The following RBM20 variants were observed in gnomAD, a reference collection of about 807,000 sequenced individuals.
The protein encoded by RBM20 is RNA-binding protein 20.
RBM20 carries 51 observed loss-of-function variants against 110.1 expected under a neutral mutation model. That is an observed-to-expected ratio of 0.46 (90% CI 0.37 to 0.59). The LOEUF (loss-of-function observed/expected upper bound fraction) is 0.59, where lower values mean the gene tolerates loss of function less well. RBM20 is among the 20% of genes least tolerant of loss of function. The pLI, the probability that RBM20 is intolerant of heterozygous loss-of-function variation, is 0.00. For synonymous variants in RBM20, 589 were observed against 618.2 expected (o/e 0.95, Z 0.70); for missense variants, 1,512 against 1,574.9 (o/e 0.96, Z 0.68).
At chr10:110,725,088 C>G (rs979498094) in intron 1 of RBM20, among the ~76,000 whole-genome samples, 3 of 152,030 alleles carry the variant, frequency 2.0e-5, no homozygotes, top group Non-Finnish European at 4.4e-5. Flanking sequence ...ATAGCTCTTT[C>G]CCATCTACAC....
intron 1 of RBM20, among the ~76,000 whole-genome samples, chr10:110,679,292 T>C (rs140277788): frequency 1.6e-3 from 239 of 152,316 alleles, no homozygotes; most frequent in African/African-American, 5.6e-3. Flanking sequence ...GGTGTGATCA[T>C]AGCTCACTGC....
chr10:110,833,113 C>T (rs1013101019), intron 13 of RBM20, among the ~76,000 whole-genome samples: 2 of 151,120 alleles, frequency 1.3e-5, no homozygotes, highest in African/African-American at 4.9e-5. Context: ...TTCCTGGGCC[C>T]GGCACAGTGG....
chr10:110,793,115 C>T (rs577012110), intron 5 of RBM20, among the ~76,000 whole-genome samples: 64 of 152,292 alleles, frequency 4.2e-4, no homozygotes, highest in African/African-American at 1.5e-3. Flanking sequence ...TAGGTCATCT[C>T]CCTCGTTCCA....
rs1590603931 is a variant in RBM20 at position 110,665,844 on chromosome 10, G to A, written c.191+21199G>A. Among the ~76,000 whole-genome samples the A allele has an allele frequency of 3.9e-5, 6 of 152,248 alleles. 1 individual carries two copies. Among genetic ancestry groups the A allele is most frequent in the Admixed American group, 3.9e-4 (6 of 15,304 alleles). Reference sequence around the variant, plus strand: ...ATGTTAAAATACAGAAGTTGGCTGGGTGTTGTGGCTCATGGTCGTCCAGCA... The same window carrying A: ...ATGTTAAAATACAGAAGTTGGCTGGATGTTGTGGCTCATGGTCGTCCAGCA... On this transcript the variant is annotated intron_variant, in intron 1 of 13. Transcript: ENST00000369519.
intron 1 of RBM20, chr10:110,756,442 G>A (rs770995016): frequency 3.3e-5 from 5 of 152,232 alleles, no homozygotes; most frequent in Non-Finnish European, 7.3e-5. Context: ...AGATTTAGAG[G>A]AGCCACTGAG....
In RBM20 at chr10:110,784,806, C is replaced by G. The variant is rs752506719; in HGVS notation, c.1444C>G (p.Leu482Val). 21 of 1,548,994 alleles carry G rather than the reference C, an allele frequency of 1.4e-5. No homozygotes were observed. Among genetic ancestry groups the G allele is most frequent in the South Asian group, 4.8e-5 (4 of 84,018 alleles). Residue 482 changes from leucine (L) to valine (V), a missense_variant, in exon 5 of 14, where the codon CTT (leucine) becomes GTT (valine). By Grantham distance (32) the Leu-to-Val change is conservative. This residue lies in a region of RBM20 where 1,149 missense variants were observed against 1,169.4 expected (regional missense o/e 0.98). Coordinates refer to ENST00000369519, the MANE Select transcript of RBM20 (RefSeq NM_001134363.3). ...PAGNEDYASN[L>V]GTSYVPIPAR... ...TCATCATTTAGATTATGCCTCAAAT[C>G]TTGGAACATCATACGTGCCCATTCC...
chr10:110,671,495 A>G (rs1862257452), intron 1 of RBM20, among the ~76,000 whole-genome samples: 1 of 152,176 alleles, frequency 6.6e-6, no homozygotes, highest in African/African-American at 2.4e-5. Flanking sequence ...CTTGGCATTT[A>G]CCAGCTGTGT....
At chr10:110,694,770 C>T (rs541754782) in intron 1 of RBM20, among the ~76,000 whole-genome samples, 2 of 152,194 alleles carry the variant, frequency 1.3e-5, no homozygotes, top group East Asian at 1.9e-4. Context: ...TTAGAACATA[C>T]CTTAGTATTA....
intron 5 of RBM20, among the ~76,000 whole-genome samples, chr10:110,789,183 T>C (rs899181573): frequency 6.6e-6 from 1 of 152,248 alleles, no homozygotes; most frequent in African/African-American, 2.4e-5. Flanking sequence ...GAGCAGTTAC[T>C]GCCTCTAAAG....
intron 1 of RBM20, among the ~76,000 whole-genome samples, chr10:110,778,041 G>A (rs1844290257): frequency 1.3e-5 from 2 of 152,238 alleles, no homozygotes; most frequent in Admixed American, 6.5e-5. Flanking sequence ...TCTTCCTTCC[G>A]TATTCTTGCC....
In RBM20 at chr10:110,822,035, G is replaced by A. The variant is rs978931064; in HGVS notation, c.3316+100G>A. On this transcript the variant is annotated intron_variant, in intron 11 of 13. Coordinates refer to ENST00000369519, the MANE Select transcript of RBM20 (RefSeq NM_001134363.3). ...GCAGGCTGGAATGAACATAAGTAAG[G>A]TTTCAACTAGCATTAAAGTGGGTGC... 9 of 1,177,812 alleles carry A rather than the reference G, an allele frequency of 7.6e-6. No homozygotes were observed. The African/African-American group carries it at 9.2e-5, about 12-fold the overall frequency. 73.0% of individuals were successfully genotyped at this position (1,177,812 alleles called of 1,614,324 possible).
Position 110,823,452 on chromosome 10 carries a change from TTTTTTTGCCTTG to T in RBM20, c.3317-27_3317-16del. ...ATTTCTTTTTTTTTTTTTTTTTTTTTTTTTTTGCCTTGGTTCATGTTTTGCAGAAAACTCCAG... is the reference window on the plus strand; with the variant it reads ...ATTTCTTTTTTTTTTTTTTTTTTTTTGTTCATGTTTTGCAGAAAACTCCAG... On this transcript the variant is annotated splice_polypyrimidine_tract_variant and intron_variant, in intron 11 of 13. Transcript: ENST00000369519. 1.1e-6 allele frequency: 1 copy of T among 898,992 alleles called. No individual in the cohort carries two copies. Among genetic ancestry groups the T allele is most frequent in the South Asian group, 2.8e-5 (1 of 36,062 alleles). 55.7% of individuals were successfully genotyped at this position (898,992 alleles called of 1,614,324 possible).
intron 1 of RBM20, among the ~76,000 whole-genome samples, chr10:110,685,728 T>C (rs561462552): frequency 1.1e-4 from 17 of 152,170 alleles, no homozygotes; most frequent in African/African-American, 4.1e-4. Flanking sequence ...AAGGTTGGAA[T>C]TGAGGTAGCC....
chr10:110,827,431 G>A (rs919774053), intron 12 of RBM20, among the ~76,000 whole-genome samples: 3 of 151,800 alleles, frequency 2.0e-5, no homozygotes, highest in South Asian at 2.1e-4. Flanking sequence ...CAGGATTTCC[G>A]ATCTCAGATC....
intron 1 of RBM20, among the ~76,000 whole-genome samples, chr10:110,704,507 G>T (rs1175341489): frequency 6.6e-6 from 1 of 152,192 alleles, no homozygotes; most frequent in Non-Finnish European, 1.5e-5. Flanking sequence ...ATTTAAATTT[G>T]TACCTCCCAA....
At chr10:110,656,327 C>G (rs1415531983) in intron 1 of RBM20, among the ~76,000 whole-genome samples, 5 of 151,924 alleles carry the variant, frequency 3.3e-5, no homozygotes, top group African/African-American at 9.7e-5. Flanking sequence ...AAATTATCAC[C>G]CCACAATGTT....
intron 1 of RBM20, among the ~76,000 whole-genome samples, chr10:110,715,330 TACTG>T (rs112969022): frequency 0.13 from 19,903 of 152,216 alleles, 1,353 homozygotes; most frequent in African/African-American, 0.17. Flanking sequence ...CATCACTCTT[TACTG>T]ACTAACTCCC....
intron 7 of RBM20, among the ~76,000 whole-genome samples, chr10:110,803,297 A>G (rs1241831234): frequency 6.6e-6 from 1 of 152,248 alleles, no homozygotes; most frequent in Non-Finnish European, 1.5e-5. Flanking sequence ...GTTTTGCACT[A>G]AAGCTGCATT....
chr10:110,761,365 T>C (rs1004024867), intron 1 of RBM20: 3 of 122,412 alleles, frequency 2.5e-5, no homozygotes, highest in South Asian at 4.6e-4. Context: ...GAAAGCCTTT[T>C]ACATGGCTGT....
Sources: gnomAD v4.1 joint callset for allele counts (sites outside exome capture counted in the v4.1 genomes callset) on GRCh38, gnomAD v4.1.1 for gene constraint, gnomAD v4.1.1 regional missense constraint, MANE v1.5 for transcripts, NCBI Gene and HGNC (gene_info 2026-07-23, HGNC 2026-07-21) for gene names.